Variants in BCAS3 observed in about 807,000 individuals in gnomAD.
BCAS3 encodes the protein BCAS3 microtubule associated cell migration factor, also known as BCAS4/BCAS3 fusion.
BCAS3 carries 53 observed loss-of-function variants against 116.1 expected under a neutral mutation model. The observed-to-expected ratio is 0.46, with a 90% CI of 0.37 to 0.57. The LOEUF is 0.57. Ranked by LOEUF, BCAS3 falls within the 20% of genes least tolerant of loss-of-function variation. BCAS3 has a pLI of 0.00. For synonymous variants in BCAS3, 391 were observed against 408.2 expected (o/e 0.96, Z 0.51); for missense variants, 917 against 1,165.4 (o/e 0.79, Z 3.10).
intron 7 of BCAS3, among the ~76,000 whole-genome samples, chr17:60,819,625 T>C (rs2049747647): frequency 6.6e-6 from 1 of 152,212 alleles, no homozygotes; most frequent in African/African-American, 2.4e-5. Flanking sequence ...GGGCCCTTGC[T>C]GGAAACAGAT....
intron 19 of BCAS3, chr17:61,070,366 A>AATTTATATAT: frequency 9.6e-6 from 3 of 311,128 alleles, no homozygotes; most frequent in Admixed American, 3.4e-5. Flanking sequence ...CCTAATTCTG[A>AATTTATATAT]ATATATATAT....
At chr17:61,308,454 G>A (rs2144767935) in intron 22 of BCAS3, among the ~76,000 whole-genome samples, 1 of 150,028 alleles carries the variant, frequency 6.7e-6, no homozygotes, top group Non-Finnish European at 1.5e-5. Flanking sequence ...GGTCAAAGGA[G>A]GATATTTGGA....
chr17:60,724,796 A>C (rs2039656177), intron 5 of BCAS3, among the ~76,000 whole-genome samples: 2 of 151,982 alleles, frequency 1.3e-5, no homozygotes, highest in Admixed American at 6.6e-5. Flanking sequence ...TAAAAAAAAA[A>C]AAACAGCTTT....
chr17:61,243,590 T>G lies in BCAS3; in HGVS notation c.2426-124737T>G, dbSNP rs2047697208. Among the ~76,000 whole-genome samples, 1 of 152,144 alleles carries G rather than the reference T, an allele frequency of 6.6e-6. No homozygotes were observed. The highest frequency in any genetic ancestry group is 1.5e-5 in the Non-Finnish European group (1 of 68,024). ...GTGTCTCAAGAAAATATAAAGACAG[T>G]ATAAGAAGACTTAGAATTGAGTACA... On this transcript the variant is annotated intron_variant, in intron 22 of 23. Coordinates refer to ENST00000407086, the MANE Select transcript of BCAS3 (RefSeq NM_017679.5). The surrounding 1 kb of genome is among the most constrained non-coding windows in gnomAD (Gnocchi z 5.6).
chr17:60,742,793 C>T (rs925821166), intron 5 of BCAS3, among the ~76,000 whole-genome samples: 10 of 151,916 alleles, frequency 6.6e-5, no homozygotes, highest in African/African-American at 2.4e-4. Flanking sequence ...CTCAGAGGTC[C>T]ATGAACAGTA....
rs538071626 is a variant in BCAS3, at chr17:61,205,381, A to G, written c.2425+120817A>G. On this transcript the variant is annotated intron_variant, in intron 22 of 23. Transcript: ENST00000407086. The surrounding 1 kb of genome is among the most constrained non-coding windows in gnomAD (Gnocchi z 5.2). ...CAGTACCATTTATTTGTTGACCAAC[A>G]GAAGACCACCAGAATGAGGTATTTT... is the stretch of plus-strand genomic sequence containing the variant. Among the ~76,000 whole-genome samples the G allele has an allele frequency of 6.6e-6, 1 of 152,350 alleles. No individual in the cohort carries two copies. The highest frequency in any genetic ancestry group is 2.1e-4 in the South Asian group (1 of 4,832).
intron 19 of BCAS3, among the ~76,000 whole-genome samples, chr17:61,042,482 C>G (rs1447965064): frequency 6.6e-6 from 1 of 151,894 alleles, no homozygotes; most frequent in Non-Finnish European, 1.5e-5. Flanking sequence ...GTCTAATGCT[C>G]AGAACAACAA....
At chr17:61,386,789 GTTTTTTGTTTTTTT>G (rs1249090566) in intron 23 of BCAS3, among the ~76,000 whole-genome samples, 1 of 120,964 alleles carries the variant, frequency 8.3e-6, no homozygotes, top group Admixed American at 1.1e-4. Context: ...TTTTGTTTTT[GTTTTTTGTTTTTTT>G]TTTTTTTTTT....
chr17:60,773,568 T>C (rs915679246), intron 6 of BCAS3, among the ~76,000 whole-genome samples: 2 of 152,168 alleles, frequency 1.3e-5, no homozygotes, highest in African/African-American at 4.8e-5. Flanking sequence ...ACTGGGATTA[T>C]AGGCATGAGC....
Position 61,186,473 on chromosome 17 carries a change from A to C in BCAS3, c.2425+101909A>C, listed in dbSNP as rs2079783013. On this transcript the variant is annotated intron_variant, in intron 22 of 23. Transcript: ENST00000407086. The surrounding 1 kb of genome is among the most constrained non-coding windows in gnomAD (Gnocchi z 4.9). ...TACACATGTCAATTTATGCTGCGTA[A>C]CTCAGAGCCTGCTTCCACTTTTTCA... Among the ~76,000 whole-genome samples the C allele has an allele frequency of 6.6e-6, 1 of 152,258 alleles. No homozygotes were observed. The highest frequency in any genetic ancestry group is 2.1e-4 in the South Asian group (1 of 4,830).
chr17:61,054,153 G>A (rs936553544), intron 19 of BCAS3, among the ~76,000 whole-genome samples: 3 of 151,998 alleles, frequency 2.0e-5, no homozygotes, highest in African/African-American at 4.8e-5. Context: ...CCATCTCTTC[G>A]CATAGATCTT....
At chr17:61,322,838 G>GAGAGAGAGAC (rs1568850697) in intron 22 of BCAS3, among the ~76,000 whole-genome samples, 22 of 139,150 alleles carry the variant, frequency 1.6e-4, no homozygotes, top group African/African-American at 4.1e-4. Flanking sequence ...GACAGAGAGA[G>GAGAGAGAGAC]AGAGAGAGAG....
chr17:60,808,847 A>T (rs76910988), intron 7 of BCAS3, among the ~76,000 whole-genome samples: 2,121 of 152,334 alleles, frequency 0.014, 105 homozygotes, highest in Admixed American at 0.079. Context: ...TGCATGAATT[A>T]ATGAGAAAAA....
chr17:60,965,491 G>C (rs2061611507), intron 14 of BCAS3, among the ~76,000 whole-genome samples: 1 of 151,998 alleles, frequency 6.6e-6, no homozygotes, highest in African/African-American at 2.4e-5. Context: ...AAAGTGCTGG[G>C]ATTACAGGCA....
chr17:61,268,327 T>C (rs1018521920), intron 22 of BCAS3, among the ~76,000 whole-genome samples: 1 of 152,186 alleles, frequency 6.6e-6, no homozygotes, highest in African/African-American at 2.4e-5. Context: ...CCTCTCTTTT[T>C]GAATCACTAC....
At chr17:61,292,488 C>T (rs1048703918) in intron 22 of BCAS3, among the ~76,000 whole-genome samples, 1 of 152,024 alleles carries the variant, frequency 6.6e-6, no homozygotes. Context: ...CCCATCTCTA[C>T]TAAAAATACA....
chr17:60,774,857 G>C (rs901122053), intron 6 of BCAS3, among the ~76,000 whole-genome samples: 1 of 152,184 alleles, frequency 6.6e-6, no homozygotes, highest in African/African-American at 2.4e-5. Context: ...TTGTCTCAAG[G>C]ATCACTGTCC....
chr17:60,740,245 A>G (rs1051250543), intron 5 of BCAS3, among the ~76,000 whole-genome samples: 2 of 152,072 alleles, frequency 1.3e-5, no homozygotes, highest in African/African-American at 4.8e-5. Context: ...CTGTAATCCT[A>G]GCAGTTTGGG....
Position 61,012,167 on chromosome 17 carries a change from AT to A in BCAS3, c.1487-3583del. Among the ~76,000 whole-genome samples the A allele has an allele frequency of 6.6e-6, 1 of 151,848 alleles. No individual in the cohort carries two copies. The highest frequency in any genetic ancestry group is 1.5e-5 in the Non-Finnish European group (1 of 67,920). ...TTCTCCCATTTTTCATTTTTTGTTA[AT>A]ATGTCTTTCTGTAACATTACATTAT... On this transcript the variant is annotated intron_variant, in intron 15 of 23. Transcript: ENST00000407086. This position sits in a 1 kb window ranked among gnomAD's most constrained non-coding sequence, Gnocchi z 4.5.
Sources: gnomAD v4.1 joint callset for allele counts (sites outside exome capture counted in the v4.1 genomes callset) on GRCh38, gnomAD v4.1.1 for gene constraint, Gnocchi (gnomAD v3.1) non-coding constraint, MANE v1.5 for transcripts, NCBI Gene and HGNC (gene_info 2026-07-23, HGNC 2026-07-21) for gene names.